Variants in ADCY2 observed in about 807,000 individuals in gnomAD.
ADCY2 encodes the protein adenylate cyclase type 2.
In ADCY2, 31 loss-of-function variants were observed where a neutral mutation model predicts 125.2. The observed-to-expected ratio is 0.25, with a 90% CI of 0.19 to 0.33. The LOEUF (loss-of-function observed/expected upper bound fraction) is 0.33, where lower values mean the gene tolerates loss of function less well. Among genes scored for constraint, ADCY2 ranks in the 10% least tolerant of loss-of-function variants. ADCY2 has a pLI of 1.00. For synonymous variants in ADCY2, 512 were observed against 548.4 expected, an observed-to-expected ratio of 0.93 and a Z score of 0.93; for missense variants, 904 against 1,418.2, an observed-to-expected ratio of 0.64 and a Z score of 5.82.
intron 6 of ADCY2, among the ~76,000 whole-genome samples, chr5:7,696,586 G>A (rs1410678126): frequency 6.6e-6 from 1 of 152,146 alleles, no homozygotes; most frequent in Non-Finnish European, 1.5e-5. Flanking sequence ...TTCTCTCTTT[G>A]AATTGTTCCC....
At chr5:7,762,102 T>TC (rs1185175879) in intron 16 of ADCY2, among the ~76,000 whole-genome samples, 5 of 152,336 alleles carry the variant, frequency 3.3e-5, no homozygotes, top group East Asian at 3.9e-4. Context: ...CCCCCACTTT[T>TC]CCTGTCTATC....
intron 16 of ADCY2, among the ~76,000 whole-genome samples, chr5:7,765,996 G>T (rs1424412335): frequency 1.3e-5 from 2 of 152,148 alleles, no homozygotes; most frequent in African/African-American, 4.8e-5. Flanking sequence ...CTACTGCCTT[G>T]CTAACAGGTT....
intron 3 of ADCY2, among the ~76,000 whole-genome samples, chr5:7,574,670 C>A (rs1736186566): frequency 6.6e-6 from 1 of 152,190 alleles, no homozygotes; most frequent in African/African-American, 2.4e-5. Context: ...CTCTCATATA[C>A]TACCCCTGAC....
intron 3 of ADCY2, among the ~76,000 whole-genome samples, chr5:7,524,214 T>C (rs1434762750): frequency 1.3e-5 from 2 of 152,234 alleles, no homozygotes; most frequent in Admixed American, 6.5e-5. Context: ...TAATCACTAA[T>C]ATATTTTGTA....
intron 4 of ADCY2, among the ~76,000 whole-genome samples, chr5:7,684,631 T>A (rs1331071007): frequency 2.0e-5 from 3 of 152,154 alleles, no homozygotes; most frequent in Admixed American, 6.5e-5. Context: ...CTAAAAATGT[T>A]CTGGTCATCT....
intron 1 of ADCY2, among the ~76,000 whole-genome samples, chr5:7,405,248 G>T (rs557960315): frequency 1.3e-5 from 2 of 151,466 alleles, no homozygotes; most frequent in East Asian, 3.9e-4. Flanking sequence ...GAAGAAGGAT[G>T]TATCAATTAA....
At chr5:7,542,803 A>G (rs1735035262) in intron 3 of ADCY2, among the ~76,000 whole-genome samples, 1 of 152,216 alleles carries the variant, frequency 6.6e-6, no homozygotes, top group South Asian at 2.1e-4. Flanking sequence ...CCACAGCAAC[A>G]CCTAGATAAT....
At chr5:7,622,766 G>A (rs1737997017) in intron 3 of ADCY2, among the ~76,000 whole-genome samples, 1 of 152,182 alleles carries the variant, frequency 6.6e-6, no homozygotes, top group African/African-American at 2.4e-5. Flanking sequence ...CCTCTCAATG[G>A]ACAAGAAACG....
At chr5:7,473,760 A>G (rs1335665344) in intron 2 of ADCY2, among the ~76,000 whole-genome samples, 1 of 152,158 alleles carries the variant, frequency 6.6e-6, no homozygotes, top group Admixed American at 6.5e-5. Flanking sequence ...TGAACTATCA[A>G]GAGAGACTTC....
At chr5:7,447,210 C>G (rs576416267) in intron 2 of ADCY2, among the ~76,000 whole-genome samples, 5 of 152,278 alleles carry the variant, frequency 3.3e-5, no homozygotes, top group Non-Finnish European at 5.9e-5. Flanking sequence ...ATCCCCCAAG[C>G]TCTTCTGCAA....
intron 2 of ADCY2, among the ~76,000 whole-genome samples, chr5:7,432,498 C>T (rs1251605938): frequency 3.9e-5 from 6 of 152,200 alleles, no homozygotes; most frequent in African/African-American, 1.4e-4. Flanking sequence ...AAAGCATTCA[C>T]CCTGGCTCCT....
At chr5:7,529,846 C>T (rs1045267104) in intron 3 of ADCY2, among the ~76,000 whole-genome samples, 4 of 152,210 alleles carry the variant, frequency 2.6e-5, no homozygotes, top group African/African-American at 9.6e-5. Context: ...CCATTTTGAT[C>T]AATTGCAGGC....
intron 2 of ADCY2, among the ~76,000 whole-genome samples, chr5:7,474,529 G>A (rs1288800406): frequency 1.3e-5 from 2 of 152,214 alleles, no homozygotes; most frequent in Non-Finnish European, 2.9e-5. Flanking sequence ...AAGAGTTGTG[G>A]TTGTGGCAGT....
chr5:7,488,255 A>G (rs531742032), intron 2 of ADCY2, among the ~76,000 whole-genome samples: 72 of 152,276 alleles, frequency 4.7e-4, no homozygotes, highest in Non-Finnish European at 7.1e-4. Context: ...CTTGCCGGCC[A>G]CCATGTAAGA....
At chr5:7,582,967 C>A (rs1736485885) in intron 3 of ADCY2, among the ~76,000 whole-genome samples, 1 of 151,984 alleles carries the variant, frequency 6.6e-6, no homozygotes, top group South Asian at 2.1e-4. Context: ...TTTGATTAAG[C>A]AACTAGTAGA....
At chr5:7,592,364 G>C (rs564101150) in intron 3 of ADCY2, among the ~76,000 whole-genome samples, 352 of 152,202 alleles carry the variant, frequency 2.3e-3, no homozygotes, top group Admixed American at 6.3e-3. Flanking sequence ...TATTAATAAT[G>C]ATGGGTGAAC....
chr5:7,570,050 A>T lies in ADCY2; in HGVS notation c.570+49151A>T, dbSNP rs559598255. On this transcript the variant is annotated intron_variant, in intron 3 of 24. Transcript: ENST00000338316. ...TAAAAGGAAACTGATTGACTGAATG[A>T]CTAGATTAAGGTCACACAATCACTA... 3.7e-4 allele frequency among the ~76,000 whole-genome samples: 57 copies of T among 152,260 alleles called. 1 individual carries two copies. Among genetic ancestry groups the T allele is most frequent in the South Asian group, 1.2e-3 (6 of 4,824 alleles).
At chr5:7,696,131 A>G (rs755799271) in intron 6 of ADCY2, among the ~76,000 whole-genome samples, 1 of 152,232 alleles carries the variant, frequency 6.6e-6, no homozygotes, top group Non-Finnish European at 1.5e-5. Flanking sequence ...TAATAAATAC[A>G]TTCCAGGCAG....
chr5:7,812,009 G>A (rs1364345354), intron 22 of ADCY2, among the ~76,000 whole-genome samples: 1 of 152,194 alleles, frequency 6.6e-6, no homozygotes, highest in South Asian at 2.1e-4. Context: ...TGAACCGGGA[G>A]TACAAACAGC....
Sources: gnomAD v4.1 joint callset for allele counts (sites outside exome capture counted in the v4.1 genomes callset) on GRCh38, gnomAD v4.1.1 for gene constraint, MANE v1.5 for transcripts, NCBI Gene and HGNC (gene_info 2026-07-23, HGNC 2026-07-21) for gene names.